DDHD1: variants seen among roughly 807,000 people sequenced by gnomAD.
The protein encoded by DDHD1 is phospholipase DDHD1.
In DDHD1, 49 loss-of-function variants were observed where a neutral mutation model predicts 96.4. The observed-to-expected ratio is 0.51, with a 90% CI of 0.40 to 0.64. The LOEUF is 0.64. DDHD1 is among the 30% of genes least tolerant of loss of function. The pLI is 0.00. For missense variants in DDHD1, 1,106 were observed against 1,161.2 expected, an observed-to-expected ratio of 0.95 and a Z score of 0.69; for synonymous variants, 442 against 446.5, an observed-to-expected ratio of 0.99 and a Z score of 0.13.
At chr14:53,074,418 C>T (rs938698403) in intron 4 of DDHD1, among the ~76,000 whole-genome samples, 6 of 151,550 alleles carry the variant, frequency 4.0e-5, no homozygotes, top group African/African-American at 9.7e-5. Flanking sequence ...CTCCCCTCCC[C>T]CATATTTAAA....
In DDHD1 at chr14:53,103,048, C is replaced by T. The variant is rs1887427543; in HGVS notation, c.1012+635G>A. On this transcript the variant is annotated intron_variant, in intron 2 of 12. Transcript: ENST00000673822. ...ATACTCACCAGAATAGTTGATCCCA[C>T]TGCCTGCAGTAAATGGAACAATAGA... is the stretch of plus-strand genomic sequence containing the variant. 2 of 1,568,442 alleles carry T rather than the reference C, an allele frequency of 1.3e-6. No individual in the cohort carries two copies. The highest frequency in any genetic ancestry group is 1.7e-6 in the Non-Finnish European group (2 of 1,154,610).
At chr14:53,072,765 T>TA in intron 5 of DDHD1, 62 bp from the exon 6 acceptor site, 1 of 1,120,816 alleles carries the variant, frequency 8.9e-7, no homozygotes, top group Non-Finnish European at 1.3e-6. Context: ...AGGAAAGTAA[T>TA]AGTGAAGAAA....
At chr14:53,101,689 T>G (rs530577753) in intron 2 of DDHD1, among the ~76,000 whole-genome samples, 2 of 152,056 alleles carry the variant, frequency 1.3e-5, no homozygotes, top group African/African-American at 4.8e-5. Flanking sequence ...TTCTAAAAAA[T>G]GTACTCACAC....
chr14:53,152,952 C>A lies in DDHD1; in HGVS notation c.147G>T (p.Pro49=). 6.3e-7 allele frequency: 1 copy of A among 1,591,320 alleles called. No homozygotes were observed. The highest frequency in any genetic ancestry group is 8.5e-7 in the Non-Finnish European group (1 of 1,171,570). ...CCFEHLPGGD[P]DDGDVPLALL... ...GGGCCAGGGGCACGTCGCCGTCGTCCGGGTCCCCGCCGGGCAGGTGCTCGA... is the reference window on the plus strand; with the variant it reads ...GGGCCAGGGGCACGTCGCCGTCGTCAGGGTCCCCGCCGGGCAGGTGCTCGA... Residue 49 remains proline, a synonymous_variant, in exon 1 of 13, where the codon CCG becomes CCT. Transcript: ENST00000673822.
Position 53,037,812 on chromosome 14 carries a change from T to C in DDHD1, c.*8956A>G, listed in dbSNP as rs111469659. 4 of 152,146 alleles carry C rather than the reference T, an allele frequency of 2.6e-5. No homozygotes were observed. In the East Asian group the frequency reaches 7.7e-4, roughly 29 times the overall value. The allele number at this position is 152,146 out of a possible 1,614,324, so 9.4% of individuals were successfully genotyped here. A position where few individuals can be genotyped will look rare whatever the true frequency, so the allele number is the denominator to read the frequency against. ...CAAAAGTTCTTTGCCAAGGCTGATG[T>C]TGATAAGGGTATTTCCTAGGTTTTC... is the stretch of plus-strand genomic sequence containing the variant. On this transcript the variant is annotated 3_prime_UTR_variant, in exon 13 of 13. Transcript: ENST00000673822.
At chr14:53,143,636 G>A (rs929444943) in intron 1 of DDHD1, among the ~76,000 whole-genome samples, 1 of 152,174 alleles carries the variant, frequency 6.6e-6, no homozygotes, top group Non-Finnish European at 1.5e-5. Context: ...AACAAAGGAA[G>A]GAGGAAGTAA....
chr14:53,096,784 A>G (rs1035578399), intron 2 of DDHD1, among the ~76,000 whole-genome samples: 20 of 152,034 alleles, frequency 1.3e-4, no homozygotes, highest in Admixed American at 1.2e-3. Context: ...AGACTTTAAA[A>G]AACAAAACTT....
intron 1 of DDHD1, among the ~76,000 whole-genome samples, chr14:53,145,681 G>A (rs1890933149): frequency 1.3e-5 from 2 of 151,848 alleles, no homozygotes; most frequent in Non-Finnish European, 2.9e-5. Flanking sequence ...TTACATTCTA[G>A]CACATAAAAG....
chr14:53,142,965 T>C (rs1289586516), intron 1 of DDHD1, among the ~76,000 whole-genome samples: 1 of 152,204 alleles, frequency 6.6e-6, no homozygotes, highest in African/African-American at 2.4e-5. Flanking sequence ...GGGTTGGAAA[T>C]TTGGAAGAAT....
chr14:53,143,077 C>T (rs1296356399), intron 1 of DDHD1, among the ~76,000 whole-genome samples: 1 of 152,156 alleles, frequency 6.6e-6, no homozygotes, highest in East Asian at 1.9e-4. Context: ...CTATTAAAAA[C>T]AATCACAAGA....
intron 9 of DDHD1, among the ~76,000 whole-genome samples, chr14:53,056,484 A>G (rs1319991737): frequency 6.6e-6 from 1 of 152,086 alleles, no homozygotes; most frequent in Admixed American, 6.5e-5. Context: ...TAAGATGGAG[A>G]TGGGGTCTCG....
chr14:53,054,739 T>A (rs1334419689), intron 10 of DDHD1, 110 bp from the exon 11 acceptor site: 4 of 1,028,790 alleles, frequency 3.9e-6, no homozygotes, highest in Non-Finnish European at 4.2e-6. Flanking sequence ...ACCCTAGTCA[T>A]GTTTTTCCAG....
At chr14:53,087,637 G>A (rs1181574316) in intron 4 of DDHD1, among the ~76,000 whole-genome samples, 2 of 152,154 alleles carry the variant, frequency 1.3e-5, no homozygotes, top group Admixed American at 1.3e-4. Flanking sequence ...CAATGTACCA[G>A]AATCTCTGGG....
intron 2 of DDHD1, among the ~76,000 whole-genome samples, chr14:53,094,843 CA>C (rs35080055): frequency 0.2 from 28,496 of 141,092 alleles, 3,592 homozygotes; most frequent in African/African-American, 0.36. Context: ...GATCCTGTCT[CA>C]AAAAAAAAAA....
chr14:53,047,097 AG>A (rs1882079317), intron 12 of DDHD1, 148 bp from the exon 13 acceptor site: 2 of 557,922 alleles, frequency 3.6e-6, no homozygotes, highest in Non-Finnish European at 2.9e-6. Context: ...TCATCTTAAG[AG>A]AAAAACACTC....
At chr14:53,070,533 G>T (rs1263128735) in intron 6 of DDHD1, among the ~76,000 whole-genome samples, 3 of 152,080 alleles carry the variant, frequency 2.0e-5, no homozygotes, top group East Asian at 3.9e-4. Flanking sequence ...GATAGAATTG[G>T]GGTATGGAAT....
At chr14:53,088,857 A>G (rs1256324458) in intron 4 of DDHD1, among the ~76,000 whole-genome samples, 2 of 152,214 alleles carry the variant, frequency 1.3e-5, no homozygotes, top group Non-Finnish European at 1.5e-5. Flanking sequence ...AGGGTATTCA[A>G]TTAGGAAAAG....
rs78491021 is a variant in DDHD1, at chr14:53,051,833, AT to A, written c.2521+10del. 257,139 of 1,575,524 alleles carry A rather than the reference AT, an allele frequency of 0.16. 22,368 individuals are homozygous for A. The highest frequency in any genetic ancestry group is 0.31 in the East Asian group (13,521 of 44,022). ...TAGTATTCTGAATGCTATTCCTGAC[AT>A]ATACCATACCGAGGGCATTATCTTT... On this transcript the variant is annotated intron_variant, in intron 12 of 12. Transcript: ENST00000673822.
rs1243460446 is a variant in DDHD1, at chr14:53,044,950, G to A, written c.*1818C>T. The A allele has an allele frequency of 6.6e-6, 1 of 152,168 alleles. No individual in the cohort carries two copies. The highest frequency in any genetic ancestry group is 2.4e-5 in the African/African-American group (1 of 41,430). The allele number at this position is 152,168 out of a possible 1,614,324, so 9.4% of individuals were successfully genotyped here. ...AGCAATTCCTTGCAAGTTAAGAAAA[G>A]ACAGCACCTTAAGTGGAACCTAGTG... On this transcript the variant is annotated 3_prime_UTR_variant, in exon 13 of 13. Coordinates refer to ENST00000673822, the MANE Select transcript of DDHD1 (RefSeq NM_001160148.2).
Sources: allele counts gnomAD v4.1 joint callset (sites outside exome capture counted in the v4.1 genomes callset), GRCh38; gene constraint gnomAD v4.1.1; transcripts MANE v1.5; gene names NCBI Gene and HGNC (gene_info 2026-07-23, HGNC 2026-07-21).